The following KCNQ5 variants were observed in gnomAD, a reference collection of about 807,000 sequenced individuals.
KCNQ5 encodes potassium voltage-gated channel subfamily Q member 5.
A neutral mutation model predicts 98.2 loss-of-function variants in KCNQ5; 30 were observed. The observed-to-expected ratio is 0.31, with a 90% CI of 0.23 to 0.41. The LOEUF is 0.41. Among genes scored for constraint, KCNQ5 ranks in the 10% least tolerant of loss-of-function variants. KCNQ5 has a pLI of 1.00. For missense variants in KCNQ5, 835 were observed against 1,182.5 expected, an observed-to-expected ratio of 0.71 and a Z score of 4.31; for synonymous variants, 458 against 449.4, an observed-to-expected ratio of 1.02 and a Z score of -0.24.
intron 1 of KCNQ5, among the ~76,000 whole-genome samples, chr6:72,836,270 T>C (rs1169918941): frequency 6.6e-6 from 1 of 152,154 alleles, no homozygotes; most frequent in African/African-American, 2.4e-5. Context: ...AAAGCCTGTA[T>C]TTTAAGAACA....
At chr6:72,700,459 G>T (rs9293897) in intron 1 of KCNQ5, among the ~76,000 whole-genome samples, 77,699 of 151,820 alleles carry the variant, frequency 0.51, 23,095 homozygotes, top group African/African-American at 0.82. Context: ...TTTTTATTTT[G>T]TTAAGATTGA....
chr6:72,680,042 CAAAAATA>C (rs958746923), intron 1 of KCNQ5, among the ~76,000 whole-genome samples: 6 of 151,896 alleles, frequency 4.0e-5, no homozygotes, highest in African/African-American at 1.5e-4. Context: ...GGCTCCATCT[CAAAAATA>C]AAAAAAATTT....
intron 10 of KCNQ5, among the ~76,000 whole-genome samples, chr6:73,168,087 G>A (rs1383269224): frequency 6.6e-6 from 1 of 152,200 alleles, no homozygotes; most frequent in African/African-American, 2.4e-5. Flanking sequence ...GAAGAGCTGT[G>A]AAGATCCATG....
chr6:72,699,103 A>G (rs1768666661), intron 1 of KCNQ5, among the ~76,000 whole-genome samples: 1 of 152,092 alleles, frequency 6.6e-6, no homozygotes, highest in Non-Finnish European at 1.5e-5. Context: ...GCTGAATCTT[A>G]TAGATAAGGA....
intron 1 of KCNQ5, chr6:72,806,768 C>G (rs1006929344): frequency 1.6e-4 from 74 of 448,722 alleles, no homozygotes; most frequent in South Asian, 1.2e-3. Context: ...CCTACTTCCT[C>G]AAGCCAAACC....
At chr6:72,861,835 A>AC (rs988400399) in intron 1 of KCNQ5, among the ~76,000 whole-genome samples, 19 of 151,460 alleles carry the variant, frequency 1.3e-4, no homozygotes, top group African/African-American at 4.1e-4. Flanking sequence ...AATAAAAAAA[A>AC]AAAACCTGGA....
At chr6:73,064,831 A>G (rs999974796) in intron 3 of KCNQ5, among the ~76,000 whole-genome samples, 6 of 152,174 alleles carry the variant, frequency 3.9e-5, no homozygotes, top group South Asian at 2.1e-4. Flanking sequence ...AATTTACTCA[A>G]GATACTAGAC....
chr6:73,049,670 G>A (rs1044419169), intron 3 of KCNQ5, among the ~76,000 whole-genome samples: 10 of 152,148 alleles, frequency 6.6e-5, no homozygotes, highest in African/African-American at 2.4e-4. Context: ...ATTAGCAACT[G>A]TCTTTTCAAG....
intron 11 of KCNQ5, among the ~76,000 whole-genome samples, chr6:73,187,439 C>T (rs1443519488): frequency 1.3e-5 from 1 of 75,962 alleles, no homozygotes; most frequent in Non-Finnish European, 2.6e-5. Context: ...GCACATACTC[C>T]TCTTTTCTAA....
chr6:73,017,225 A>G lies in KCNQ5; in HGVS notation c.489+13227A>G, dbSNP rs1331663178. ...TTCTACAACCTCTGACTGATTCCAG[A>G]AGAAAATAACCTTGAAATCATGGTG... On this transcript the variant is annotated intron_variant, in intron 2 of 13. Coordinates refer to ENST00000370398, the MANE Select transcript of KCNQ5 (RefSeq NM_019842.4). Among the ~76,000 whole-genome samples, 3 of 152,174 alleles carry G rather than the reference A, an allele frequency of 2.0e-5. No homozygotes were observed. The East Asian group carries it at 5.8e-4, about 29-fold the overall frequency.
At chr6:72,994,846 A>T (rs543431953) in intron 1 of KCNQ5, among the ~76,000 whole-genome samples, 27 of 152,260 alleles carry the variant, frequency 1.8e-4, no homozygotes, top group African/African-American at 4.8e-4. Flanking sequence ...AAACTGAAGA[A>T]CTTTCATTAA....
chr6:73,129,298 T>A (rs752077090), intron 9 of KCNQ5, among the ~76,000 whole-genome samples: 2 of 133,892 alleles, frequency 1.5e-5, no homozygotes, highest in African/African-American at 2.9e-5. Context: ...CAATCTAGAA[T>A]CTTTTCTTCT....
chr6:72,914,488 A>C (rs1780055624), intron 1 of KCNQ5, among the ~76,000 whole-genome samples: 1 of 149,488 alleles, frequency 6.7e-6, no homozygotes, highest in Non-Finnish European at 1.5e-5. Flanking sequence ...CACCCTGTGA[A>C]CTCAACCTCT....
chr6:72,913,360 G>A (rs943808785), intron 1 of KCNQ5, among the ~76,000 whole-genome samples: 7 of 151,990 alleles, frequency 4.6e-5, no homozygotes, highest in African/African-American at 1.7e-4. Flanking sequence ...GTTTACGGTA[G>A]TAAGTGGCAC....
At chr6:72,742,023 T>C (rs1345845258) in intron 1 of KCNQ5, among the ~76,000 whole-genome samples, 1 of 152,200 alleles carries the variant, frequency 6.6e-6, no homozygotes, top group African/African-American at 2.4e-5. Context: ...TGCTCTGCCA[T>C]TGAGCCTATA....
intron 1 of KCNQ5, among the ~76,000 whole-genome samples, chr6:72,837,637 T>C (rs1776563202): frequency 6.6e-6 from 1 of 152,190 alleles, no homozygotes; most frequent in Non-Finnish European, 1.5e-5. Context: ...GACTTTCTTC[T>C]CAGTAATACT....
chr6:72,860,335 C>G (rs954986721), intron 1 of KCNQ5, among the ~76,000 whole-genome samples: 1 of 152,078 alleles, frequency 6.6e-6, no homozygotes, highest in African/African-American at 2.4e-5. Flanking sequence ...GTTATTTCAA[C>G]AGGACCTTTT....
At chr6:73,185,501 C>T (rs1562225075) in intron 11 of KCNQ5, among the ~76,000 whole-genome samples, 1 of 152,266 alleles carries the variant, frequency 6.6e-6, no homozygotes, top group Non-Finnish European at 1.5e-5. Context: ...GACTTTAAAA[C>T]AGAGTTTTGA....
chr6:72,884,457 G>T (rs1351605931), intron 1 of KCNQ5, among the ~76,000 whole-genome samples: 1 of 152,146 alleles, frequency 6.6e-6, no homozygotes, highest in Admixed American at 6.6e-5. Flanking sequence ...AACAGTGAGA[G>T]ATGAGAGATA....
Sources: allele counts gnomAD v4.1 joint callset (sites outside exome capture counted in the v4.1 genomes callset), GRCh38; gene constraint gnomAD v4.1.1; transcripts MANE v1.5; gene names NCBI Gene and HGNC (gene_info 2026-07-23, HGNC 2026-07-21).